UBL3: variants seen among roughly 807,000 people sequenced by gnomAD.
UBL3 encodes the protein ubiquitin like 3.
In UBL3, 6 loss-of-function variants were observed where a neutral mutation model predicts 18.4. The observed-to-expected ratio is 0.33, with a 90% CI of 0.18 to 0.64. The LOEUF is 0.64. UBL3 is among the 30% of genes least tolerant of loss of function. The pLI is 0.76. For synonymous variants in UBL3, 49 were observed against 46.6 expected, an observed-to-expected ratio of 1.05 and a Z score of -0.21; for missense variants, 109 against 142.9, an observed-to-expected ratio of 0.76 and a Z score of 1.21.
At chr13:29,789,536 G>A (rs942667340) in intron 1 of UBL3, among the ~76,000 whole-genome samples, 3 of 152,168 alleles carry the variant, frequency 2.0e-5, no homozygotes, top group African/African-American at 7.2e-5. Context: ...ACACACAAAT[G>A]TGTGTTAAAA....
At chr13:29,775,698 C>T (rs1470112009) in intron 2 of UBL3, among the ~76,000 whole-genome samples, 2 of 152,130 alleles carry the variant, frequency 1.3e-5, no homozygotes, top group Admixed American at 1.3e-4. Context: ...TCACTGCAAG[C>T]TCTGCCTCTC....
At chr13:29,832,016 G>C (rs371463133) in intron 1 of UBL3, among the ~76,000 whole-genome samples, 3 of 152,198 alleles carry the variant, frequency 2.0e-5, no homozygotes, top group East Asian at 3.8e-4. Context: ...AGCCCAGCAC[G>C]TGGCTACCTT....
At chr13:29,820,658 T>C (rs1282954430) in intron 1 of UBL3, among the ~76,000 whole-genome samples, 2 of 152,224 alleles carry the variant, frequency 1.3e-5, no homozygotes, top group African/African-American at 2.4e-5. Context: ...ACTACATTTC[T>C]GTCCTTTCAT....
At chr13:29,834,249 A>C (rs1878863425) in intron 1 of UBL3, among the ~76,000 whole-genome samples, 1 of 152,264 alleles carries the variant, frequency 6.6e-6, no homozygotes, top group African/African-American at 2.4e-5. Flanking sequence ...TGTAATCATA[A>C]AAATGATACC....
chr13:29,791,647 A>T (rs1467152177), intron 1 of UBL3, among the ~76,000 whole-genome samples: 1 of 152,176 alleles, frequency 6.6e-6, no homozygotes, highest in Non-Finnish European at 1.5e-5. Flanking sequence ...TCAAACCTAC[A>T]CTACTCCTTC....
At chr13:29,779,550 G>C (rs1367930003) in intron 1 of UBL3, among the ~76,000 whole-genome samples, 1 of 152,018 alleles carries the variant, frequency 6.6e-6, no homozygotes, top group Non-Finnish European at 1.5e-5. Flanking sequence ...TTAGTCTTTA[G>C]GATCTGTAAA....
chr13:29,802,719 A>T (rs1877803851), intron 1 of UBL3, among the ~76,000 whole-genome samples: 1 of 152,204 alleles, frequency 6.6e-6, no homozygotes, highest in Non-Finnish European at 1.5e-5. Flanking sequence ...AAGCCTGAGG[A>T]CTGGTTTGCT....
intron 1 of UBL3, among the ~76,000 whole-genome samples, chr13:29,802,623 T>C (rs1011421569): frequency 2.0e-5 from 3 of 152,178 alleles, no homozygotes; most frequent in Non-Finnish European, 2.9e-5. Context: ...ACTGATCTGA[T>C]AGAGGTGAAA....
chr13:29,786,445 C>T (rs1032454187), intron 1 of UBL3, among the ~76,000 whole-genome samples: 2 of 152,078 alleles, frequency 1.3e-5, no homozygotes, highest in South Asian at 4.1e-4. Context: ...TTAAAAAATC[C>T]TTTGGCCATC....
chr13:29,817,903 C>T (rs547808249), intron 1 of UBL3, among the ~76,000 whole-genome samples: 2 of 152,280 alleles, frequency 1.3e-5, no homozygotes, highest in Admixed American at 1.3e-4. Context: ...ATGTTTTAAA[C>T]TTTTGCTTTT....
At chr13:29,837,058 T>TATC (rs1878976717) in intron 1 of UBL3, among the ~76,000 whole-genome samples, 2 of 152,230 alleles carry the variant, frequency 1.3e-5, no homozygotes, top group South Asian at 4.1e-4. Context: ...GCTCATGTCT[T>TATC]ATCAGTCACT....
At chr13:29,810,827 A>G (rs951163431) in intron 1 of UBL3, among the ~76,000 whole-genome samples, 2 of 152,154 alleles carry the variant, frequency 1.3e-5, no homozygotes, top group Non-Finnish European at 2.9e-5. Flanking sequence ...CGCACACAAC[A>G]GAAGGATACA....
intron 1 of UBL3, among the ~76,000 whole-genome samples, chr13:29,803,199 T>C (rs990073347): frequency 1.3e-5 from 2 of 152,144 alleles, no homozygotes; most frequent in African/African-American, 4.8e-5. Context: ...CCTTTTTAGA[T>C]AGGCAAATGC....
intron 3 of UBL3, among the ~76,000 whole-genome samples, chr13:29,770,475 G>T (rs1876813659): frequency 6.6e-6 from 1 of 151,972 alleles, no homozygotes; most frequent in Non-Finnish European, 1.5e-5. Context: ...TAAATCAATA[G>T]TTTTGATTTT....
intron 3 of UBL3, among the ~76,000 whole-genome samples, chr13:29,770,818 A>G (rs1162493534): frequency 2.1e-5 from 2 of 93,958 alleles, no homozygotes; most frequent in African/African-American, 6.8e-5. Context: ...TTTATACAAA[A>G]GCTATAAAAA....
At chr13:29,799,795 A>G (rs1877713068) in intron 1 of UBL3, among the ~76,000 whole-genome samples, 1 of 152,220 alleles carries the variant, frequency 6.6e-6, no homozygotes, top group Admixed American at 6.5e-5. Flanking sequence ...TTATTTTACA[A>G]ATCACATTTG....
chr13:29,791,700 T>C (rs1409992341), intron 1 of UBL3, among the ~76,000 whole-genome samples: 2 of 152,196 alleles, frequency 1.3e-5, no homozygotes, highest in East Asian at 1.9e-4. Flanking sequence ...ATCCAATCAC[T>C]GTCACCATAG....
intron 2 of UBL3, among the ~76,000 whole-genome samples, chr13:29,775,043 T>C (rs1876944553): frequency 6.6e-6 from 1 of 152,180 alleles, no homozygotes; most frequent in Admixed American, 6.5e-5. Flanking sequence ...ACTGTATAAA[T>C]AAAGGTTTTA....
chr13:29,827,519 T>C (rs1429330972), intron 1 of UBL3, among the ~76,000 whole-genome samples: 1 of 152,218 alleles, frequency 6.6e-6, no homozygotes, highest in Non-Finnish European at 1.5e-5. Context: ...TTTTTTTGTT[T>C]TCTATTTGCT....
Sources: allele counts gnomAD v4.1 joint callset (sites outside exome capture counted in the v4.1 genomes callset), GRCh38; gene constraint gnomAD v4.1.1; transcripts MANE v1.5; gene names NCBI Gene and HGNC (gene_info 2026-07-23, HGNC 2026-07-21).